The following PSMA1 variants were observed in gnomAD, a reference collection of about 807,000 sequenced individuals.
The protein encoded by PSMA1 is proteasome 20S subunit alpha 1.
PSMA1 carries 3 observed loss-of-function variants against 38.4 expected under a neutral mutation model. The ratio of observed to expected loss-of-function variants is 0.08; its 90% CI spans 0.04 to 0.20. PSMA1 has a LOEUF of 0.20. PSMA1 is among the 10% of genes least tolerant of loss of function. The probability of loss-of-function intolerance (pLI) is 1.00; values close to 1 mark genes in which losing one functional copy is unlikely to be tolerated. For missense variants in PSMA1, 227 were observed against 325.3 expected, an observed-to-expected ratio of 0.70 and a Z score of 2.32; for synonymous variants, 101 against 107.1, an observed-to-expected ratio of 0.94 and a Z score of 0.35.
rs541124491 is a variant in PSMA1 at position 14,602,073 on chromosome 11, G to C, written c.21+8893C>G. ...ACTTCACACCCAGCATAGCACACAT[G>C]CATAAGTGGGTCCTAGCTCCGGCTC... On this transcript the variant is annotated intron_variant, in intron 2 of 10. Coordinates refer to the PSMA1 transcript ENST00000418988. 2.0e-5 allele frequency among the ~76,000 whole-genome samples: 3 copies of C among 152,258 alleles called. No individual in the cohort carries two copies. In the East Asian group the frequency reaches 5.8e-4, roughly 29 times the overall value.
chr11:14,635,232 A>C (rs548889866), intron 1 of PSMA1, among the ~76,000 whole-genome samples: 3 of 152,248 alleles, frequency 2.0e-5, no homozygotes, highest in Non-Finnish European at 4.4e-5. Context: ...TGATTTGTTT[A>C]AAGTGTTGTT....
chr11:14,616,957 A>C (rs1852781294), intron 1 of PSMA1, among the ~76,000 whole-genome samples: 1 of 152,196 alleles, frequency 6.6e-6, no homozygotes, highest in Non-Finnish European at 1.5e-5. Context: ...CTATGAACAA[A>C]AGGGATTCCT....
intron 1 of PSMA1, among the ~76,000 whole-genome samples, chr11:14,626,710 C>T (rs554062101): frequency 2.4e-4 from 36 of 152,140 alleles, no homozygotes; most frequent in Non-Finnish European, 4.0e-4. Flanking sequence ...TAACAGAGCA[C>T]GTGAAAAGGC....
At chr11:14,633,895 G>A (rs1853074288) in intron 1 of PSMA1, among the ~76,000 whole-genome samples, 1 of 152,154 alleles carries the variant, frequency 6.6e-6, no homozygotes. Context: ...GGAGTGACCC[G>A]ATTTTCCAGG....
chr11:14,627,583 T>C (rs749508497), intron 1 of PSMA1, among the ~76,000 whole-genome samples: 6 of 152,198 alleles, frequency 3.9e-5, no homozygotes, highest in African/African-American at 9.6e-5. Flanking sequence ...CTTTGACAAA[T>C]TACTTAATCT....
rs761298698 is a variant in PSMA1 at position 14,517,885 on chromosome 11, A to G, written c.145T>C (p.Leu49=). The change falls in exon 3 of 10, where the codon TTG becomes CTG. Residue 49 remains leucine, a synonymous_variant. Coordinates refer to ENST00000396394, the MANE Select transcript of PSMA1 (RefSeq NM_002786.4). Reference sequence around the variant, plus strand: ...ATATTTATTACTGTACTTACTTTCAATGCAACCAAAACTGCATGAGTTTTT... The same window carrying G: ...ATATTTATTACTGTACTTACTTTCAGTGCAACCAAAACTGCATGAGTTTTT... The part of the protein sequence containing the change: ...KSKTHAVLVA[L]KRAQSELAAH... 8 of 1,601,862 alleles carry G rather than the reference A, an allele frequency of 5.0e-6. No individual in the cohort carries two copies. The highest frequency in any genetic ancestry group is 6.8e-6 in the Non-Finnish European group (8 of 1,175,074).
At chr11:14,525,139 C>T (rs1281272303), upstream of PSMA1, among the ~76,000 whole-genome samples, 2 of 152,052 alleles carry the variant, frequency 1.3e-5, no homozygotes, top group Non-Finnish European at 2.9e-5. Context: ...CCTTAAAACT[C>T]CCCCACTCTG....
chr11:14,637,964 G>A (rs1853130910), intron 1 of PSMA1, among the ~76,000 whole-genome samples: 1 of 152,184 alleles, frequency 6.6e-6, no homozygotes, highest in East Asian at 1.9e-4. Context: ...GATGTGGGAG[G>A]ATAAGGAAAA....
upstream of PSMA1, chr11:14,520,390 T>A: frequency 1.2e-6 from 2 of 1,613,686 alleles, no homozygotes; most frequent in South Asian, 2.2e-5. Context: ...TACAGAGAAG[T>A]CTGCGGGAGT....
chr11:14,594,571 A>C (rs137894579), intron 2 of PSMA1, among the ~76,000 whole-genome samples: 1 of 152,310 alleles, frequency 6.6e-6, no homozygotes, highest in African/African-American at 2.4e-5. Context: ...ATTTTCTGTT[A>C]ATCAAAATTG....
At chr11:14,535,934 C>G (rs1405035945) in intron 2 of PSMA1, among the ~76,000 whole-genome samples, 2 of 152,248 alleles carry the variant, frequency 1.3e-5, no homozygotes, top group East Asian at 3.9e-4. Context: ...TGATCCAAAT[C>G]CCCAAATCAT....
intron 2 of PSMA1, among the ~76,000 whole-genome samples, chr11:14,601,721 C>T (rs1192497199): frequency 6.6e-6 from 1 of 152,082 alleles, no homozygotes; most frequent in Non-Finnish European, 1.5e-5. Flanking sequence ...CCCTTACTCC[C>T]AACTCCATGA....
intron 2 of PSMA1, among the ~76,000 whole-genome samples, chr11:14,557,124 T>G (rs1291511583): frequency 1.3e-5 from 2 of 152,220 alleles, no homozygotes; most frequent in African/African-American, 4.8e-5. Flanking sequence ...CATAAGCGAC[T>G]GCACCCTGCT....
rs143788706 is a variant in PSMA1, at chr11:14,602,513, T to C, written c.21+8453A>G. Among the ~76,000 whole-genome samples the C allele has an allele frequency of 7.2e-5, 11 of 152,200 alleles. No individual in the cohort carries two copies. The East Asian group carries it at 2.1e-3, about 29-fold the overall frequency. On this transcript the variant is annotated intron_variant, in intron 2 of 10. Coordinates refer to the PSMA1 transcript ENST00000418988. ...AGAAACTGATTTCTATATATGTATA[T>C]GTATATATATTATTTTTCTTGTAAT...
At chr11:14,574,246 C>T (rs932880097) in intron 2 of PSMA1, among the ~76,000 whole-genome samples, 3 of 152,200 alleles carry the variant, frequency 2.0e-5, no homozygotes, top group African/African-American at 4.8e-5. Context: ...TCACAACAGC[C>T]TCTCTTATCA....
Position 14,507,690 on chromosome 11 carries a change from T to A in PSMA1, c.701A>T (p.Glu234Val), listed in dbSNP as rs1170833394. The change falls in exon 9 of 10, where the codon GAA becomes GTA. Residue 234 changes from glutamate to valine, a missense_variant. Coordinates refer to ENST00000396394, the MANE Select transcript of PSMA1 (RefSeq NM_002786.4). ...YDDDDVSPFL[E>V]GLEERPQRKA... Reference sequence around the variant, plus strand: ...TCTCTGTGGTCTTTCTTCAAGACCTTCCAGGAATGGAGACACATCATCATC... The same window carrying A: ...TCTCTGTGGTCTTTCTTCAAGACCTACCAGGAATGGAGACACATCATCATC... 1 of 1,612,466 alleles carries A rather than the reference T, an allele frequency of 6.2e-7. No individual in the cohort carries two copies. The highest frequency in any genetic ancestry group is 8.5e-7 in the Non-Finnish European group (1 of 1,178,890).
intron 2 of PSMA1, among the ~76,000 whole-genome samples, chr11:14,558,258 A>AC (rs1851964509): frequency 6.6e-6 from 1 of 150,896 alleles, no homozygotes. Context: ...ACAAAAAAAA[A>AC]AAAAAAAAAA....
At chr11:14,599,777 C>T (rs990643464) in intron 2 of PSMA1, among the ~76,000 whole-genome samples, 5 of 152,162 alleles carry the variant, frequency 3.3e-5, no homozygotes, top group African/African-American at 7.2e-5. Context: ...CAGCTTTGTT[C>T]CGTTGCTGGC....
intron 4 of PSMA1, among the ~76,000 whole-genome samples, chr11:14,517,200 G>T (rs1367889553): frequency 6.6e-6 from 1 of 152,122 alleles, no homozygotes; most frequent in Non-Finnish European, 1.5e-5. Flanking sequence ...CTTAAGACAA[G>T]ATCCATGTCT....
Sources: gnomAD v4.1 joint callset for allele counts (sites outside exome capture counted in the v4.1 genomes callset) on GRCh38, gnomAD v4.1.1 for gene constraint, MANE v1.5 for transcripts, NCBI Gene and HGNC (gene_info 2026-07-23, HGNC 2026-07-21) for gene names.